PTPRD: variants seen among roughly 807,000 people sequenced by gnomAD.
PTPRD encodes protein tyrosine phosphatase receptor type D.
Under a neutral mutation model 214.5 loss-of-function variants are expected in PTPRD, and 34 were observed. The observed-to-expected ratio is 0.16, with a 90% CI of 0.12 to 0.21. The LOEUF (loss-of-function observed/expected upper bound fraction) is 0.21. PTPRD is among the 10% of genes least tolerant of loss of function. The pLI, the probability that PTPRD is intolerant of heterozygous loss-of-function variation, is 1.00. For synonymous variants in PTPRD, 1,128 were observed against 845.7 expected (o/e 1.33, Z -5.79); for missense variants, 2,545 against 2,398.7 (o/e 1.06, Z -1.27).
At chr9:9,327,066 C>T (rs2040256839) in intron 9 of PTPRD, among the ~76,000 whole-genome samples, 1 of 152,146 alleles carries the variant, frequency 6.6e-6, no homozygotes, top group African/African-American at 2.4e-5. Flanking sequence ...GATTTTAAAA[C>T]ATGCAGCTGT....
chr9:8,935,190 T>C (rs2098988509), intron 11 of PTPRD, among the ~76,000 whole-genome samples: 2 of 152,158 alleles, frequency 1.3e-5, no homozygotes, highest in South Asian at 4.1e-4. Flanking sequence ...GACACCATCT[T>C]ACATATAGAA....
intron 12 of PTPRD, among the ~76,000 whole-genome samples, chr9:8,711,182 T>A (rs1460468990): frequency 1.3e-5 from 2 of 152,098 alleles, no homozygotes; most frequent in Non-Finnish European, 2.9e-5. Flanking sequence ...TGTAAGATAA[T>A]AATATATTTC....
chr9:9,323,833 C>T lies in PTPRD; in HGVS notation c.-203+73616G>A, dbSNP rs1262057320. Among the ~76,000 whole-genome samples, 3 of 152,102 alleles carry T rather than the reference C, an allele frequency of 2.0e-5. No individual in the cohort carries two copies. The East Asian group carries it at 5.8e-4, about 29-fold the overall frequency. On this transcript the variant is annotated intron_variant, in intron 9 of 45. Transcript: ENST00000381196. ...ATTAGGTATTTCTCCTAATGCTATC[C>T]CTACCCCATCCCCGCACCCCACAAC...
At chr9:8,323,795 G>C (rs1830799925) in intron 44 of PTPRD, among the ~76,000 whole-genome samples, 1 of 152,142 alleles carries the variant, frequency 6.6e-6, no homozygotes, top group South Asian at 2.1e-4. Context: ...ATTTAGAATA[G>C]TACATAAACA....
intron 14 of PTPRD, among the ~76,000 whole-genome samples, chr9:8,542,792 C>T (rs1213891512): frequency 6.6e-6 from 1 of 152,230 alleles, no homozygotes; most frequent in Non-Finnish European, 1.5e-5. Flanking sequence ...ATGTCTGCTT[C>T]AGCCTACACA....
chr9:10,347,392 T>C lies in PTPRD; in HGVS notation c.-599-6375A>G, dbSNP rs867056439. The stretch of plus-strand genomic sequence containing the variant: ...ATGATTTGTAAAGATGGAATGTCCA[T>C]CATCTTAGCTATTTGTCTTTTTTTT... On this transcript the variant is annotated intron_variant, in intron 2 of 45. Coordinates refer to ENST00000381196, the MANE Select transcript of PTPRD (RefSeq NM_002839.4). Among the ~76,000 whole-genome samples the C allele has an allele frequency of 3.3e-5, 5 of 151,638 alleles. 1 individual carries two copies. In the Middle Eastern group the frequency reaches 0.01, roughly 309 times the overall value.
intron 9 of PTPRD, among the ~76,000 whole-genome samples, chr9:9,314,629 G>C (rs1961498799): frequency 6.6e-6 from 1 of 151,964 alleles, no homozygotes; most frequent in Non-Finnish European, 1.5e-5. Flanking sequence ...TTTTGCTTAT[G>C]GTAGGAAGGT....
chr9:10,393,655 G>T (rs1001925350), intron 2 of PTPRD, among the ~76,000 whole-genome samples: 1 of 147,572 alleles, frequency 6.8e-6, no homozygotes, highest in African/African-American at 2.5e-5. Flanking sequence ...ATATTAGAGA[G>T]AGAGAGAGAG....
chr9:9,610,006 G>A (rs1359938514), intron 7 of PTPRD, among the ~76,000 whole-genome samples: 2 of 152,114 alleles, frequency 1.3e-5, no homozygotes, highest in African/African-American at 2.4e-5. Flanking sequence ...AATGCCTGGT[G>A]GGTCCCTTCT....
chr9:9,358,995 G>A (rs1429158429), intron 9 of PTPRD, among the ~76,000 whole-genome samples: 1 of 151,242 alleles, frequency 6.6e-6, no homozygotes, highest in East Asian at 2.0e-4. Context: ...TTCAGATTTT[G>A]CTGCACTTGC....
intron 44 of PTPRD, among the ~76,000 whole-genome samples, chr9:8,323,006 G>A (rs2130957666): frequency 6.6e-6 from 1 of 152,198 alleles, no homozygotes; most frequent in East Asian, 1.9e-4. Context: ...TCAAAAGCTT[G>A]AAAAAATTAA....
At chr9:10,473,257 G>A (rs1325568526) in intron 2 of PTPRD, among the ~76,000 whole-genome samples, 1 of 151,966 alleles carries the variant, frequency 6.6e-6, no homozygotes, top group Middle Eastern at 3.2e-3. Context: ...AGGTAGATAT[G>A]ACTTAGAAAA....
chr9:9,925,417 G>A (rs1292616799), intron 5 of PTPRD, among the ~76,000 whole-genome samples: 1 of 151,946 alleles, frequency 6.6e-6, no homozygotes, highest in Non-Finnish European at 1.5e-5. Context: ...GGTATTTAAG[G>A]TCTTACATAC....
At chr9:10,097,423 T>A (rs1258052466) in intron 3 of PTPRD, among the ~76,000 whole-genome samples, 1 of 150,010 alleles carries the variant, frequency 6.7e-6, no homozygotes, top group East Asian at 2.0e-4. Context: ...TTGAGCAGTG[T>A]TTTGTAGTTC....
chr9:10,556,866 A>G (rs1566919853), intron 2 of PTPRD, among the ~76,000 whole-genome samples: 1 of 152,148 alleles, frequency 6.6e-6, no homozygotes, highest in Non-Finnish European at 1.5e-5. Context: ...TTGCTATCCA[A>G]TACAATCAAG....
intron 2 of PTPRD, among the ~76,000 whole-genome samples, chr9:10,585,365 T>C (rs149044276): frequency 0.017 from 2,588 of 152,154 alleles, 35 homozygotes; most frequent in South Asian, 0.038. Flanking sequence ...TACATGCTCT[T>C]CTAAATCTCA....
intron 4 of PTPRD, among the ~76,000 whole-genome samples, chr9:9,977,930 GA>G (rs150804018): frequency 2.7e-5 from 4 of 150,162 alleles, no homozygotes; most frequent in African/African-American, 7.3e-5. Flanking sequence ...TACCTTTCCA[GA>G]AAAAAAAAAG....
intron 5 of PTPRD, among the ~76,000 whole-genome samples, chr9:9,896,835 G>T (rs990641969): frequency 2.6e-4 from 39 of 152,088 alleles, no homozygotes; most frequent in African/African-American, 9.4e-4. Flanking sequence ...ATTATAATGA[G>T]AAATACTTTA....
At chr9:10,545,920 A>T (rs535466711) in intron 2 of PTPRD, among the ~76,000 whole-genome samples, 1 of 152,282 alleles carries the variant, frequency 6.6e-6, no homozygotes, top group Non-Finnish European at 1.5e-5. Flanking sequence ...TGATCAAATT[A>T]GGCTGGCATA....
Sources: gnomAD v4.1 joint callset for allele counts (sites outside exome capture counted in the v4.1 genomes callset) on GRCh38, gnomAD v4.1.1 for gene constraint, MANE v1.5 for transcripts, NCBI Gene and HGNC (gene_info 2026-07-23, HGNC 2026-07-21) for gene names.